Variants in EHMT1 observed in about 807,000 individuals in gnomAD.
The protein encoded by EHMT1 is histone-lysine N-methyltransferase EHMT1.
In EHMT1, 15 loss-of-function variants were observed where a neutral mutation model predicts 147.2. That is an observed-to-expected ratio of 0.10 (90% confidence interval 0.07 to 0.16). The LOEUF (loss-of-function observed/expected upper bound fraction) is 0.16, where lower values mean the gene tolerates loss of function less well. Ranked by LOEUF, EHMT1 falls within the 10% of genes least tolerant of loss-of-function variation. The pLI is 1.00. For synonymous variants in EHMT1, 795 were observed against 709.6 expected, an observed-to-expected ratio of 1.12 and a Z score of -1.91; for missense variants, 1,587 against 1,772.4, an observed-to-expected ratio of 0.90 and a Z score of 1.88.
chr9:137,763,006 G>T, intron 10 of EHMT1, 186 bp downstream of exon 10: 1 of 734,826 alleles, frequency 1.4e-6, no homozygotes. Flanking sequence ...ATGAAACACA[G>T]GTCTAGAGCT....
chr9:137,631,720 A>T (rs1843642896), intron 1 of EHMT1, among the ~76,000 whole-genome samples: 1 of 151,996 alleles, frequency 6.6e-6, no homozygotes. Context: ...TACAAAAAAT[A>T]ATGAAAAATT....
At position 137,697,557 on chromosome 9, in the gene EHMT1, GTAGAAGGACACTTT is replaced by G. The variant is rs573218198; in HGVS notation, c.22-13408_22-13395del. On this transcript the variant is annotated intron_variant, in intron 1 of 26. Coordinates refer to ENST00000460843, the MANE Select transcript of EHMT1 (RefSeq NM_024757.5). ...TTAAAGATTTTTCTTTTAGCCTCAT[GTAGAAGGACACTTT>G]TTGTGGTTAAAATCTTACTGTTGAG... Among the ~76,000 whole-genome samples, 766 of 152,340 alleles carry G rather than the reference GTAGAAGGACACTTT, an allele frequency of 5.0e-3. 3 individuals are homozygous for G. Among genetic ancestry groups the G allele is most frequent in the Non-Finnish European group, 9.0e-3 (613 of 68,028 alleles).
At chr9:137,770,206 T>G (rs1050031420) in intron 10 of EHMT1, among the ~76,000 whole-genome samples, 1 of 152,226 alleles carries the variant, frequency 6.6e-6, no homozygotes, top group African/African-American at 2.4e-5. Flanking sequence ...TTAGATTGTT[T>G]GACATTGTCC....
At chr9:137,743,166 G>A (rs940410304) in intron 4 of EHMT1, 3 of 574,366 alleles carry the variant, frequency 5.2e-6, no homozygotes, top group South Asian at 2.0e-5. Context: ...GATCCAGGAC[G>A]TGTTTCTGAT....
At chr9:137,702,492 A>G (rs915198486) in intron 1 of EHMT1, among the ~76,000 whole-genome samples, 37 of 152,128 alleles carry the variant, frequency 2.4e-4, no homozygotes, top group Admixed American at 2.4e-3. Flanking sequence ...CTTTGACTCC[A>G]TGTCTCACTT....
At chr9:137,774,294 G>A (rs996086852) in intron 10 of EHMT1, among the ~76,000 whole-genome samples, 15 of 152,274 alleles carry the variant, frequency 9.9e-5, no homozygotes, top group African/African-American at 3.6e-4. Context: ...GCATGTGAGT[G>A]GATGTGGGCA....
In EHMT1 at chr9:137,828,207, T is replaced by C. The variant is rs143237856; in HGVS notation, c.3541-6142T>C. Among the ~76,000 whole-genome samples, 44 of 151,918 alleles carry C rather than the reference T, an allele frequency of 2.9e-4. No individual in the cohort carries two copies. The highest frequency in any genetic ancestry group is 8.3e-4 in the South Asian group (4 of 4,800). On this transcript the variant is annotated intron_variant, in intron 25 of 26. Transcript: ENST00000460843. The surrounding 1 kb of genome is among the most constrained non-coding windows in gnomAD (Gnocchi z 5.3). ...GGGGTGCTGGCGGGCATCAGGGAAG[T>C]CCCGGTGACAAGGGGCATCAGCAGG...
At chr9:137,689,889 A>G (rs987353922) in intron 1 of EHMT1, among the ~76,000 whole-genome samples, 1 of 152,190 alleles carries the variant, frequency 6.6e-6, no homozygotes, top group Non-Finnish European at 1.5e-5. Flanking sequence ...GGTGCCCACC[A>G]TGTTGGCTGC....
At chr9:137,708,211 G>A (rs549404203) in intron 1 of EHMT1, among the ~76,000 whole-genome samples, 3 of 152,278 alleles carry the variant, frequency 2.0e-5, no homozygotes, top group East Asian at 3.9e-4. Flanking sequence ...CTGGCTAATC[G>A]AAGAGTCAGC....
intron 3 of EHMT1, among the ~76,000 whole-genome samples, chr9:137,721,993 T>TC (rs57662186): frequency 6.6e-6 from 1 of 150,780 alleles, no homozygotes; most frequent in African/African-American, 2.5e-5. Flanking sequence ...TTTTTTTTTT[T>TC]CAGTCTTACG....
Position 137,732,630 on chromosome 9 carries a change from C to T in EHMT1, c.823+4101C>T, listed in dbSNP as rs114088517. On this transcript the variant is annotated intron_variant, in intron 4 of 26. Coordinates refer to ENST00000460843, the MANE Select transcript of EHMT1 (RefSeq NM_024757.5). The surrounding 1 kb of genome is among the most constrained non-coding windows in gnomAD (Gnocchi z 4.6). The stretch of plus-strand genomic sequence containing the variant: ...CACCATTTGATTGGCTAAAAGGCAT[C>T]AAGGAAGTTCTCACTCCAGGTTGTG... Among the ~76,000 whole-genome samples the T allele has an allele frequency of 0.029, 4,384 of 152,268 alleles. 80 individuals carry two copies. Among genetic ancestry groups the T allele is most frequent in the Middle Eastern group, 0.061 (18 of 294 alleles).
intron 1 of EHMT1, among the ~76,000 whole-genome samples, chr9:137,645,034 G>A (rs1338424573): frequency 6.6e-6 from 1 of 151,706 alleles, no homozygotes; most frequent in African/African-American, 2.4e-5. Context: ...CACCACGCCC[G>A]GCTAATTTTT....
At chr9:137,621,993 T>C (rs1259170690) in intron 1 of EHMT1, among the ~76,000 whole-genome samples, 2 of 152,118 alleles carry the variant, frequency 1.3e-5, no homozygotes, top group East Asian at 3.9e-4. Flanking sequence ...ACTTTAAGTT[T>C]TAGGGTACAT....
rs929191654 is a variant in EHMT1, at chr9:137,716,660, G to T, written c.120G>T (p.Glu40Asp). 1.9e-6 allele frequency: 3 copies of T among 1,592,588 alleles called. No homozygotes were observed. Among genetic ancestry groups the T allele is most frequent in the Non-Finnish European group, 2.6e-6 (3 of 1,166,594 alleles). The change falls in exon 3 of 27, where the codon GAG (glutamate) becomes GAT (aspartate). Residue 40 changes from glutamate to aspartate, a missense_variant. Physicochemically the swap from Glu to Asp is conservative, Grantham distance 45. This residue lies in a region of EHMT1 where 810 missense variants were observed against 673.0 expected (regional missense o/e 1.20). Coordinates refer to ENST00000460843, the MANE Select transcript of EHMT1 (RefSeq NM_024757.5). ...TGGCTGCCGATGAAGGCTCAGCAGA[G>T]AAACAGGCAGGAGAGGCCCACATGG... ...TPMAADEGSA[E>D]KQAGEAHMAA...
intron 25 of EHMT1, among the ~76,000 whole-genome samples, chr9:137,829,367 A>G (rs1956041609): frequency 1.3e-5 from 2 of 152,242 alleles, no homozygotes; most frequent in Non-Finnish European, 2.9e-5. Context: ...GAGAATCAGG[A>G]GAGTGGAGAC....
chr9:137,719,652 GTCTTTGA>G (rs1194745739), intron 3 of EHMT1, among the ~76,000 whole-genome samples: 2 of 152,198 alleles, frequency 1.3e-5, no homozygotes, highest in Non-Finnish European at 2.9e-5. Flanking sequence ...CAGTGGTGAT[GTCTTTGA>G]TAACTAGAGG....
intron 15 of EHMT1, chr9:137,788,462 T>G: frequency 5.6e-6 from 1 of 178,764 alleles, no homozygotes; most frequent in Non-Finnish European, 1.2e-5. Flanking sequence ...CGTACGGAGG[T>G]TGCAGGTGTA....
At position 137,744,000 on chromosome 9, in the gene EHMT1, C is replaced by T. The variant is rs771852479; in HGVS notation, c.1080C>T (p.Asp360=). Residue 360 remains aspartate (D), a synonymous_variant, in exon 6 of 27, where the codon GAC becomes GAT. Coordinates refer to ENST00000460843, the MANE Select transcript of EHMT1 (RefSeq NM_024757.5). ...ACTCAGAGGAGCTCGAGGAGGACGACGGCCATGGTGCAGAGCAGGCGGCCG... is the reference window on the plus strand; with the variant it reads ...ACTCAGAGGAGCTCGAGGAGGACGATGGCCATGGTGCAGAGCAGGCGGCCG... ...EDDSEELEED[D]GHGAEQAAAF... The T allele has an allele frequency of 1.1e-5, 17 of 1,614,092 alleles. No individual in the cohort carries two copies. Among genetic ancestry groups the T allele is most frequent in the Middle Eastern group, 1.7e-4 (1 of 6,060 alleles).
chr9:137,759,041 G>A (rs898128157), intron 9 of EHMT1, among the ~76,000 whole-genome samples: 10 of 151,952 alleles, frequency 6.6e-5, no homozygotes, highest in Non-Finnish European at 1.3e-4. Flanking sequence ...GCAGGAGAAT[G>A]GTGTGAACCC....
Sources: allele counts gnomAD v4.1 joint callset (sites outside exome capture counted in the v4.1 genomes callset), GRCh38; gene constraint gnomAD v4.1.1; regional missense constraint gnomAD v4.1.1; non-coding constraint Gnocchi (gnomAD v3.1); transcripts MANE v1.5; gene names NCBI Gene and HGNC (gene_info 2026-07-23, HGNC 2026-07-21).